The following CRYBG2 variants were observed in gnomAD, a reference collection of about 807,000 sequenced individuals.
The protein encoded by CRYBG2 is beta/gamma crystallin domain-containing protein 2.
In CRYBG2, 106 loss-of-function variants were observed where a neutral mutation model predicts 153.4. That is an observed-to-expected ratio of 0.69 (90% CI 0.59 to 0.81). The LOEUF (loss-of-function observed/expected upper bound fraction) is 0.81, where lower values mean the gene tolerates loss of function less well. CRYBG2 is among the 30% of genes least tolerant of loss of function. The probability of loss-of-function intolerance (pLI) is 0.00; values close to 1 mark genes in which losing one functional copy is unlikely to be tolerated. For missense variants in CRYBG2, 1,996 were observed against 2,112.0 expected, an observed-to-expected ratio of 0.95 and a Z score of 1.08; for synonymous variants, 851 against 877.8, an observed-to-expected ratio of 0.97 and a Z score of 0.54.
chr1:26,352,550 T>C (rs12031946), intron 1 of CRYBG2, among the ~76,000 whole-genome samples: 21,062 of 152,068 alleles, frequency 0.14, 2,347 homozygotes, highest in East Asian at 0.57. Context: ...GTCTCACTTC[T>C]TCTCGACTCC....
chr1:26,331,662 C>G (rs1345505721), intron 14 of CRYBG2, 44 bp from the exon 15 acceptor site: 1 of 1,604,058 alleles, frequency 6.2e-7, no homozygotes. Context: ...CCTACCTGTC[C>G]TTGGCCTGCC....
At chr1:26,328,004 T>C (rs1242243335) in intron 17 of CRYBG2, among the ~76,000 whole-genome samples, 1 of 151,502 alleles carries the variant, frequency 6.6e-6, no homozygotes, top group Non-Finnish European at 1.5e-5. Flanking sequence ...AAATAAAAAT[T>C]AATTAAAAGA....
intron 8 of CRYBG2, 150 bp from the exon 9 acceptor site, chr1:26,337,824 A>G: frequency 1.5e-6 from 2 of 1,315,924 alleles, no homozygotes; most frequent in South Asian, 1.4e-5. Flanking sequence ...TCCTATCTCT[A>G]CTCTGACCTC....
intron 5 of CRYBG2, among the ~76,000 whole-genome samples, chr1:26,342,493 G>A (rs532091707): frequency 1.3e-5 from 2 of 152,224 alleles, no homozygotes; most frequent in African/African-American, 2.4e-5. Context: ...TCTGCCTCCC[G>A]GGTTCAAGTA....
Position 26,325,007 on chromosome 1 carries a change from C to T in CRYBG2, c.4579-697G>A, listed in dbSNP as rs1284312532. The T allele has an allele frequency of 1.3e-5, 2 of 152,136 alleles. No individual in the cohort carries two copies. The highest frequency in any genetic ancestry group is 2.9e-5 in the Non-Finnish European group (2 of 68,050). 9.4% of individuals were successfully genotyped at this position (152,136 alleles called of 1,614,324 possible). A position where few individuals can be genotyped will look rare whatever the true frequency, so the allele number is the denominator to read the frequency against. ...CAGTCCTCAAAACTGACCCATGACA[C>T]GTGTTATCCTCATTTTAAAGATGAG... is the stretch of plus-strand genomic sequence containing the variant. On this transcript the variant is annotated intron_variant, in intron 17 of 19. Coordinates refer to ENST00000308182, the MANE Select transcript of CRYBG2 (RefSeq NM_001039775.4). The surrounding 1 kb of genome is among the most constrained non-coding windows in gnomAD (Gnocchi z 4.1).
At position 26,339,366 on chromosome 1, in the gene CRYBG2, G is replaced by C. The variant is rs764492096; in HGVS notation, c.3268C>G (p.Leu1090Val). 6.2e-7 allele frequency: 1 copy of C among 1,614,232 alleles called. No individual in the cohort carries two copies. The highest frequency in any genetic ancestry group is 1.7e-4 in the Middle Eastern group (1 of 6,058). Residue 1090 changes from leucine to valine, a missense_variant, in exon 6 of 20, where the codon CTA becomes GTA. Coordinates refer to ENST00000308182, the MANE Select transcript of CRYBG2 (RefSeq NM_001039775.4). ...TGGGAATTCTTCAAGGCCTCTGTTA[G>C]CTTCACTTGCTCCCCCTTGAGGCCC... ...EEGLKGEQVK[L>V]TEALKNSQGL... is the part of the protein sequence containing the mutation.
chr1:26,343,177 G>A lies in CRYBG2; in HGVS notation c.2962-18C>T. ...AAGATCACCTGAGAAGGCACAGAAG[G>A]GGTCCTCAGGCCCTGACCCCAGGCC... On this transcript the variant is annotated intron_variant, in intron 3 of 19. Transcript: ENST00000308182. The surrounding 1 kb of genome is among the most constrained non-coding windows in gnomAD (Gnocchi z 4.1). 3.2e-6 allele frequency: 5 copies of A among 1,550,590 alleles called. No individual in the cohort carries two copies. Among genetic ancestry groups the A allele is most frequent in the Non-Finnish European group, 4.4e-6 (5 of 1,146,964 alleles).
chr1:26,324,275 C>T lies in CRYBG2; in HGVS notation c.4614G>A (p.Leu1538=). Residue 1538 remains leucine (L), a synonymous_variant, in exon 18 of 20, where the codon CTG becomes CTA. Transcript: ENST00000308182. ...RVYFRLWNAA[L]GGFLAVPDHV... is the part of the protein sequence containing the mutation. ...GGTCCGGCACTGCCAGGAATCCCCC[C>T]AGTGCTGCATTCCAGAGGCGGAAAT... 6.2e-7 allele frequency: 1 copy of T among 1,611,028 alleles called. No homozygotes were observed. Among genetic ancestry groups the T allele is most frequent in the East Asian group, 2.2e-5 (1 of 44,878 alleles).
At chr1:26,337,003 G>A in intron 10 of CRYBG2, 23 bp from the exon 11 acceptor site, 1 of 1,612,510 alleles carries the variant, frequency 6.2e-7, no homozygotes, top group Non-Finnish European at 8.5e-7. Flanking sequence ...GGACAGTCAG[G>A]TCTCTCCCGC....
chr1:26,340,717 A>G (rs2074118210), intron 5 of CRYBG2, among the ~76,000 whole-genome samples: 1 of 151,842 alleles, frequency 6.6e-6, no homozygotes, highest in African/African-American at 2.4e-5. Context: ...GGTTCAAGCG[A>G]TTCTCCTGCC....
At position 26,345,858 on chromosome 1, in the gene CRYBG2, C is replaced by T. The variant is rs774748793; in HGVS notation, c.800G>A (p.Gly267Asp). The change falls in exon 2 of 20, where the codon GGC (glycine) becomes GAC (aspartate). Residue 267 changes from glycine to aspartate, a missense_variant. Gly to Asp is a moderately conservative substitution (Grantham distance 94). Coordinates refer to ENST00000308182, the MANE Select transcript of CRYBG2 (RefSeq NM_001039775.4). ...CCTCAAGGCTGCCCCCACTGTGCTG[C>T]CCAGACCTGTGCTCCTTGGCCCGCC... ...TAGGPRSTGLGSTVGAALRQL... is the reference protein window; with the variant it reads ...TAGGPRSTGLDSTVGAALRQL... 3.8e-6 allele frequency: 6 copies of T among 1,596,926 alleles called. No homozygotes were observed. The Admixed American group carries it at 1.0e-4, about 27-fold the overall frequency.
rs141701416 is a variant in CRYBG2, at chr1:26,349,603, C to T, written c.-55-2891G>A. ...ATTAACACCTGCCAAAGAAGACCTT[C>T]TAAGCTTCTGCTATGGCTTGAATAT... On this transcript the variant is annotated intron_variant, in intron 1 of 19. Transcript: ENST00000308182. Among the ~76,000 whole-genome samples the T allele has an allele frequency of 2.0e-3, 306 of 152,218 alleles. 2 individuals carry two copies. Among genetic ancestry groups the T allele is most frequent in the Non-Finnish European group, 1.4e-3 (97 of 68,014 alleles).
rs1041701972 is a variant in CRYBG2, at chr1:26,325,056, A to G, written c.4579-746T>C. The G allele has an allele frequency of 5.9e-5, 9 of 152,214 alleles. No individual in the cohort carries two copies. Among genetic ancestry groups the G allele is most frequent in the African/African-American group, 2.2e-4 (9 of 41,456 alleles). 9.4% of individuals were successfully genotyped at this position (152,214 alleles called of 1,614,324 possible). ...AGGAAACGAAGGTCTAAGGAGGTAC[A>G]GTACTTGCCCAAGATTGCAGAGCAA... On this transcript the variant is annotated intron_variant, in intron 17 of 19. Coordinates refer to ENST00000308182, the MANE Select transcript of CRYBG2 (RefSeq NM_001039775.4). The surrounding 1 kb of genome is among the most constrained non-coding windows in gnomAD (Gnocchi z 4.1).
intron 1 of CRYBG2, among the ~76,000 whole-genome samples, chr1:26,351,359 A>G (rs528554244): frequency 1.3e-5 from 2 of 152,246 alleles, no homozygotes; most frequent in South Asian, 2.1e-4. Flanking sequence ...GATGGTGCTT[A>G]TAGTAAGTGG....
Position 26,343,996 on chromosome 1 carries a change from AG to A in CRYBG2, c.2661del (p.Ser888GlnfsTer88). 1.3e-6 allele frequency: 2 copies of A among 1,536,334 alleles called. No homozygotes were observed. The highest frequency in any genetic ancestry group is 1.7e-6 in the Non-Finnish European group (2 of 1,146,870). ...CCCTGCAGTTCCAATCCCAGCTCTG[AG>A]TGGGGGCCCTTGGTTCCTGCTACAT... Reference protein sequence around the residue: ...KKHVAGTKGPHSELGLELQGG... With the variant: ...KKHVAGTKGPXSELGLELQGG... On this transcript the variant is annotated frameshift_variant, in exon 2 of 20. Coordinates refer to ENST00000308182, the MANE Select transcript of CRYBG2 (RefSeq NM_001039775.4). LOFTEE classifies it high-confidence loss of function. The surrounding 1 kb of genome is among the most constrained non-coding windows in gnomAD (Gnocchi z 4.1).
rs2074223080 is a variant in CRYBG2 at position 26,346,486 on chromosome 1, T to C, written c.172A>G (p.Ser58Gly). Residue 58 changes from serine (S) to glycine (G), a missense_variant, in exon 2 of 20, where the codon AGC becomes GGC. By Grantham distance (56) the Ser-to-Gly change is moderately conservative. Coordinates refer to ENST00000308182, the MANE Select transcript of CRYBG2 (RefSeq NM_001039775.4). This position sits in a 1 kb window ranked among gnomAD's most constrained non-coding sequence, Gnocchi z 4.9. ...EAPQKEMFEF[S>G]RREEVEVNGF... Reference sequence around the variant, plus strand: ...TTGACTTCCACTTCCTCTCGACGGCTGAACTCAAACATCTCCTTCTGCGGG... The same window carrying C: ...TTGACTTCCACTTCCTCTCGACGGCCGAACTCAAACATCTCCTTCTGCGGG... 1.8e-5 allele frequency: 29 copies of C among 1,611,848 alleles called. No homozygotes were observed. The highest frequency in any genetic ancestry group is 2.5e-5 in the Non-Finnish European group (29 of 1,179,846).
rs764979095 is a variant in CRYBG2 at position 26,336,493 on chromosome 1, C to G, written c.4038+113G>C. On this transcript the variant is annotated intron_variant, in intron 12 of 19. Coordinates refer to ENST00000308182, the MANE Select transcript of CRYBG2 (RefSeq NM_001039775.4). This position sits in a 1 kb window ranked among gnomAD's most constrained non-coding sequence, Gnocchi z 4.9. ...GGCCCCGCCCCCTTCTAAGGCCCCGCCCCAAGCGCCCAGGCAGGTCCTCCA... is the reference window on the plus strand; with the variant it reads ...GGCCCCGCCCCCTTCTAAGGCCCCGGCCCAAGCGCCCAGGCAGGTCCTCCA... 40 of 1,547,160 alleles carry G rather than the reference C, an allele frequency of 2.6e-5. No homozygotes were observed. The highest frequency in any genetic ancestry group is 1.7e-4 in the Middle Eastern group (1 of 5,988).
At position 26,336,805 on chromosome 1, in the gene CRYBG2, CG is replaced by C. The variant is rs777171881; in HGVS notation, c.3911+35del. ...CTCCTGGAACCGCCCCCGGCTCGCC[CG>C]GGCCCGCCCCGCTCCCGGAGCCCGG... On this transcript the variant is annotated intron_variant, in intron 11 of 19. Coordinates refer to ENST00000308182, the MANE Select transcript of CRYBG2 (RefSeq NM_001039775.4). The surrounding 1 kb of genome is among the most constrained non-coding windows in gnomAD (Gnocchi z 4.9). 10 of 1,552,578 alleles carry C rather than the reference CG, an allele frequency of 6.4e-6. No individual in the cohort carries two copies. In the South Asian group the frequency reaches 1.2e-4, roughly 18 times the overall value.
intron 17 of CRYBG2, chr1:26,326,553 AAAG>A: frequency 6.2e-6 from 1 of 161,932 alleles, no homozygotes; most frequent in Admixed American, 6.1e-5. Context: ...AAAAAAAAAA[AAAG>A]AAAGAAAATC....
Sources: allele counts gnomAD v4.1 joint callset (sites outside exome capture counted in the v4.1 genomes callset), GRCh38; gene constraint gnomAD v4.1.1; non-coding constraint Gnocchi (gnomAD v3.1); transcripts MANE v1.5; gene names NCBI Gene and HGNC (gene_info 2026-07-23, HGNC 2026-07-21).